Variants in RNF185 observed in about 807,000 individuals in gnomAD.
The protein encoded by RNF185 is E3 ubiquitin-protein ligase RNF185.
Under a neutral mutation model 24.9 loss-of-function variants are expected in RNF185, and 13 were observed. The ratio of observed to expected loss-of-function variants is 0.52; its 90% confidence interval spans 0.34 to 0.83. RNF185 has a LOEUF of 0.83. RNF185 is among the 40% of genes least tolerant of loss of function. The pLI is 0.01. For missense variants in RNF185, 184 were observed against 244.7 expected (o/e 0.75, Z 1.65); for synonymous variants, 79 against 90.3 (o/e 0.88, Z 0.71).
At chr22:31,181,891 T>C (rs947524006) in intron 1 of RNF185, among the ~76,000 whole-genome samples, 1 of 151,094 alleles carries the variant, frequency 6.6e-6, no homozygotes, top group African/African-American at 2.4e-5. Context: ...CATTAGGAGG[T>C]ATACCTAATG....
chr22:31,194,629 G>A (rs2048186728), intron 3 of RNF185, among the ~76,000 whole-genome samples: 1 of 152,114 alleles, frequency 6.6e-6, no homozygotes, highest in African/African-American at 2.4e-5. Context: ...TTGGAAGGCT[G>A]AGACAGGAGA....
intron 6 of RNF185, among the ~76,000 whole-genome samples, chr22:31,202,216 A>G (rs1399282778): frequency 6.6e-6 from 1 of 152,094 alleles, no homozygotes; most frequent in African/African-American, 2.4e-5. Context: ...CGCATTCGGT[A>G]TAGAGCCCTT....
chr22:31,190,645 A>ACT (rs2048147381), intron 2 of RNF185, among the ~76,000 whole-genome samples: 4 of 150,704 alleles, frequency 2.7e-5, no homozygotes, highest in Non-Finnish European at 4.4e-5. Flanking sequence ...GGAGTGCAGT[A>ACT]GCACTCCAGA....
In RNF185 at chr22:31,183,487, CAT is replaced by C. The variant is rs1602820460; in HGVS notation, c.-48-3559_-48-3558del. On this transcript the variant is annotated intron_variant, in intron 1 of 6. Transcript: ENST00000326132. Reference sequence around the variant, plus strand: ...AGTGGAGGGAAGGTCAGCAGATAAACATGTGAACAAAGGTCTCTGGTTTTCCT... The same window carrying C: ...AGTGGAGGGAAGGTCAGCAGATAAACGTGAACAAAGGTCTCTGGTTTTCCT... Among the ~76,000 whole-genome samples the C allele has an allele frequency of 2.0e-5, 3 of 151,950 alleles. No individual in the cohort carries two copies. The East Asian group carries it at 5.8e-4, about 29-fold the overall frequency.
intron 1 of RNF185, among the ~76,000 whole-genome samples, chr22:31,185,350 G>C (rs2048088761): frequency 6.6e-6 from 1 of 152,178 alleles, no homozygotes; most frequent in African/African-American, 2.4e-5. Flanking sequence ...AGCTTTCTGG[G>C]TCTGAGAAGG....
At chr22:31,172,623 C>T (rs890816058) in intron 1 of RNF185, among the ~76,000 whole-genome samples, 1 of 151,880 alleles carries the variant, frequency 6.6e-6, no homozygotes, top group Admixed American at 6.6e-5. Flanking sequence ...ATGGTGCACA[C>T]CTGTGGTCCC....
In RNF185 at chr22:31,204,529, G is replaced by A; in HGVS notation, c.522G>A (p.Leu174=). 1 of 1,611,524 alleles carries A rather than the reference G, an allele frequency of 6.2e-7. No individual in the cohort carries two copies. Among genetic ancestry groups the A allele is most frequent in the South Asian group, 1.1e-5 (1 of 91,016 alleles). The change falls in exon 7 of 7, where the codon CTG becomes CTA. Residue 174 remains leucine (L), a synonymous_variant. Transcript: ENST00000326132. ...CCCAGTATGTGGACGAGCAGTTCCT[G>A]TCACGCCTCTTCCTATTTGTGGCCC... The part of the protein sequence containing the change: ...GTPQYVDEQF[L]SRLFLFVALV...
At chr22:31,201,865 A>G (rs1033721697) in intron 6 of RNF185, among the ~76,000 whole-genome samples, 3 of 152,182 alleles carry the variant, frequency 2.0e-5, no homozygotes, top group Non-Finnish European at 4.4e-5. Context: ...CAACCACCCT[A>G]TGGAACAGGT....
In RNF185 at chr22:31,171,987, G is replaced by C. The variant is rs1380888631; in HGVS notation, c.-49+11684G>C. 6.6e-5 allele frequency among the ~76,000 whole-genome samples: 10 copies of C among 152,098 alleles called. No homozygotes were observed. The East Asian group carries it at 1.9e-3, about 29-fold the overall frequency. On this transcript the variant is annotated intron_variant, in intron 1 of 6. Transcript: ENST00000326132. ...CCATCTCAAAAAAAAGAAAGGAGAA[G>C]TGAGATCATTGTTTTGTCAAGTATA... is the stretch of plus-strand genomic sequence containing the variant.
intron 3 of RNF185, 103 bp downstream of exon 3, chr22:31,192,805 G>A: frequency 1.8e-6 from 2 of 1,082,298 alleles, no homozygotes; most frequent in Non-Finnish European, 1.4e-6. Flanking sequence ...TGCCCTGCTT[G>A]TGGGCTCATT....
chr22:31,184,219 C>T (rs115620625), intron 1 of RNF185, among the ~76,000 whole-genome samples: 22,450 of 148,722 alleles, frequency 0.15, 1,816 homozygotes, highest in African/African-American at 0.21. Flanking sequence ...AGGTCAGAGA[C>T]GCTCCTCACC....
At chr22:31,183,479 C>T (rs2048059948) in intron 1 of RNF185, among the ~76,000 whole-genome samples, 1 of 151,788 alleles carries the variant, frequency 6.6e-6, no homozygotes, top group South Asian at 2.1e-4. Flanking sequence ...GGAAGGTCAG[C>T]AGATAAACAT....
chr22:31,191,482 C>G (rs2048154852), intron 2 of RNF185, among the ~76,000 whole-genome samples: 1 of 152,120 alleles, frequency 6.6e-6, no homozygotes, highest in East Asian at 1.9e-4. Context: ...ACTGTCCTGG[C>G]CTACATAGTA....
chr22:31,195,929 G>C (rs1173470795), intron 4 of RNF185, among the ~76,000 whole-genome samples: 1 of 152,188 alleles, frequency 6.6e-6, no homozygotes, highest in Non-Finnish European at 1.5e-5. Flanking sequence ...ACAGGATCTG[G>C]GTGACTTTGT....
At chr22:31,194,108 C>A (rs1161662977) in intron 3 of RNF185, among the ~76,000 whole-genome samples, 1 of 151,682 alleles carries the variant, frequency 6.6e-6, no homozygotes, top group South Asian at 2.1e-4. Context: ...ATGTTCCCCA[C>A]GCTGGTCTTG....
At chr22:31,162,364 T>C (rs1355173297) in intron 1 of RNF185, among the ~76,000 whole-genome samples, 1 of 152,226 alleles carries the variant, frequency 6.6e-6, no homozygotes, top group Non-Finnish European at 1.5e-5. Flanking sequence ...TCTAAAAGTT[T>C]CCTTTTAAAG....
intron 1 of RNF185, among the ~76,000 whole-genome samples, chr22:31,172,523 C>G (rs1367061563): frequency 6.6e-6 from 1 of 151,992 alleles, no homozygotes; most frequent in Non-Finnish European, 1.5e-5. Flanking sequence ...CCGAGGCAGG[C>G]GCATCACCTG....
In RNF185 at chr22:31,171,909, G is replaced by T. The variant is rs557528264; in HGVS notation, c.-49+11606G>T. Among the ~76,000 whole-genome samples, 18 of 151,892 alleles carry T rather than the reference G, an allele frequency of 1.2e-4. No individual in the cohort carries two copies. The East Asian group carries it at 3.3e-3, about 28-fold the overall frequency. On this transcript the variant is annotated intron_variant, in intron 1 of 6. Coordinates refer to ENST00000326132, the MANE Select transcript of RNF185 (RefSeq NM_152267.4). ...CTTGAACCTAGGAGGCGGAGGTTGC[G>T]GTGAGCCAAGATTGCGCCATTGCAC...
intron 5 of RNF185, among the ~76,000 whole-genome samples, chr22:31,198,920 C>T (rs903898635): frequency 6.7e-6 from 1 of 149,714 alleles, no homozygotes; most frequent in Non-Finnish European, 1.5e-5. Context: ...TATGGTGAAA[C>T]CCTGTCTCTG....
Sources: allele counts gnomAD v4.1 joint callset (sites outside exome capture counted in the v4.1 genomes callset), GRCh38; gene constraint gnomAD v4.1.1; transcripts MANE v1.5; gene names NCBI Gene and HGNC (gene_info 2026-07-23, HGNC 2026-07-21).